AGBL1: variants seen among roughly 807,000 people sequenced by gnomAD.
The protein encoded by AGBL1 is AGBL carboxypeptidase 1, also known as cytosolic carboxypeptidase 4.
Under a neutral mutation model 118.9 loss-of-function variants are expected in AGBL1, and 130 were observed. The ratio of observed to expected loss-of-function variants is 1.09; its 90% CI spans 0.95 to 1.26. The LOEUF (loss-of-function observed/expected upper bound fraction) is 1.26, where lower values mean the gene tolerates loss of function less well. Ranked by LOEUF, AGBL1 falls within the 50% of genes most tolerant of loss-of-function variation. AGBL1 has a pLI of 0.00. For synonymous variants in AGBL1, 555 were observed against 478.9 expected, an observed-to-expected ratio of 1.16 and a Z score of -2.08; for missense variants, 1,584 against 1,298.1, an observed-to-expected ratio of 1.22 and a Z score of -3.38.
chr15:86,234,219 G>T (rs760085904), intron 6 of AGBL1, among the ~76,000 whole-genome samples: 31 of 152,012 alleles, frequency 2.0e-4, no homozygotes, highest in Non-Finnish European at 4.0e-4. Flanking sequence ...GTGCAGAATG[G>T]TGTATGTTCC....
intron 4 of AGBL1, 117 bp from the exon 5 acceptor site, chr15:86,158,816 G>T: frequency 1.2e-6 from 1 of 810,950 alleles, no homozygotes; most frequent in East Asian, 2.7e-5. Flanking sequence ...GGAAAAGAAA[G>T]GGAGCTATCT....
chr15:86,573,509 T>C (rs2084039132), intron 21 of AGBL1, among the ~76,000 whole-genome samples: 1 of 152,218 alleles, frequency 6.6e-6, no homozygotes, highest in African/African-American at 2.4e-5. Flanking sequence ...TCTGGTAAAA[T>C]AGAAGATAAT....
intron 21 of AGBL1, among the ~76,000 whole-genome samples, chr15:86,580,993 C>T (rs2084165054): frequency 6.6e-6 from 1 of 152,126 alleles, no homozygotes; most frequent in Non-Finnish European, 1.5e-5. Flanking sequence ...TATTGTGCAG[C>T]CCTAGAAATA....
chr15:86,433,640 A>G (rs1164060695), intron 18 of AGBL1, among the ~76,000 whole-genome samples: 3 of 152,096 alleles, frequency 2.0e-5, no homozygotes, highest in Non-Finnish European at 2.9e-5. Flanking sequence ...TCTGGCATGC[A>G]CTGTGTGGCA....
At chr15:86,790,620 T>C (rs2078478906) in intron 22 of AGBL1, among the ~76,000 whole-genome samples, 1 of 152,154 alleles carries the variant, frequency 6.6e-6, no homozygotes. Flanking sequence ...TTAATGTATT[T>C]TATGGGAAAT....
intron 21 of AGBL1, among the ~76,000 whole-genome samples, chr15:86,650,435 C>T (rs945538449): frequency 3.3e-5 from 5 of 152,110 alleles, no homozygotes; most frequent in African/African-American, 1.2e-4. Flanking sequence ...GTCAAAATGA[C>T]TATGAAAGAA....
At chr15:86,286,749 A>ATATATATATATATATAT (rs60775713) in intron 16 of AGBL1, among the ~76,000 whole-genome samples, 4 of 145,448 alleles carry the variant, frequency 2.8e-5, no homozygotes, top group African/African-American at 7.8e-5. Context: ...ATATATATAT[A>ATATATATATATATATAT]AAACTCCATC....
intron 22 of AGBL1, among the ~76,000 whole-genome samples, chr15:86,791,838 G>A (rs1055062007): frequency 1.3e-5 from 2 of 151,740 alleles, no homozygotes; most frequent in African/African-American, 4.8e-5. Flanking sequence ...CCAGGTTCAA[G>A]CAATTCTCAT....
At chr15:86,175,110 T>C (rs2077465129) in intron 5 of AGBL1, among the ~76,000 whole-genome samples, 1 of 152,128 alleles carries the variant, frequency 6.6e-6, no homozygotes, top group Non-Finnish European at 1.5e-5. Flanking sequence ...TTTGGTAGAA[T>C]TCATCAGTAA....
chr15:86,327,825 T>C (rs1208585418), intron 17 of AGBL1, among the ~76,000 whole-genome samples: 5 of 152,304 alleles, frequency 3.3e-5, no homozygotes, highest in African/African-American at 1.2e-4. Context: ...GCTATTCTAA[T>C]TTATTTACAT....
At position 86,782,111 on chromosome 15, in the gene AGBL1, C is replaced by T. The variant is rs974806645; in HGVS notation, c.3158+107675C>T. ...CTACTCATTCAAATATCAGTCCTGACACAATCTAGGAATCAAAAATTATAT... is the reference window on the plus strand; with the variant it reads ...CTACTCATTCAAATATCAGTCCTGATACAATCTAGGAATCAAAAATTATAT... On this transcript the variant is annotated intron_variant, in intron 22 of 22. Coordinates refer to ENST00000614907, the MANE Select transcript of AGBL1 (RefSeq NM_001386094.1). 1.3e-5 allele frequency among the ~76,000 whole-genome samples: 2 copies of T among 152,050 alleles called. 1 individual carries two copies. Among genetic ancestry groups the T allele is most frequent in the Admixed American group, 1.3e-4 (2 of 15,262 alleles).
chr15:86,422,912 T>C (rs138551442), intron 18 of AGBL1, among the ~76,000 whole-genome samples: 1,513 of 151,012 alleles, frequency 0.01, 31 homozygotes, highest in African/African-American at 0.033. Context: ...TCGAATAGAC[T>C]AATAAGAAGT....
chr15:86,992,162 G>T (rs2081341699), intron 24 of AGBL1, among the ~76,000 whole-genome samples: 1 of 151,720 alleles, frequency 6.6e-6, no homozygotes, highest in African/African-American at 2.4e-5. Context: ...GTGAACAAGG[G>T]GATGTAGCAC....
At chr15:86,358,699 T>A (rs916007648) in intron 17 of AGBL1, among the ~76,000 whole-genome samples, 10 of 152,046 alleles carry the variant, frequency 6.6e-5, no homozygotes, top group Non-Finnish European at 8.8e-5. Context: ...TTATCTTTTT[T>A]AAATAATAGC....
Position 86,105,762 on chromosome 15 carries a change from T to C in AGBL1, c.51+25739T>C, listed in dbSNP as rs76957903. Among the ~76,000 whole-genome samples, 527 of 152,340 alleles carry C rather than the reference T, an allele frequency of 3.5e-3. 2 individuals are homozygous for C. The highest frequency in any genetic ancestry group is 0.012 in the African/African-American group (497 of 41,578). On this transcript the variant is annotated intron_variant, in intron 1 of 22. Transcript: ENST00000614907. The stretch of plus-strand genomic sequence containing the variant: ...TGATTACACAAATAAGTGTCTTCTA[T>C]TCTCTTCTAGGCCAACCCAATCACA...
At chr15:86,546,292 A>G (rs1332785868) in intron 20 of AGBL1, among the ~76,000 whole-genome samples, 159 bp downstream of exon 20, 2 of 152,096 alleles carry the variant, frequency 1.3e-5, no homozygotes, top group African/African-American at 4.8e-5. Flanking sequence ...GCAGGCTGGA[A>G]GCATGTGTAA....
chr15:86,767,073 G>C lies in AGBL1; in HGVS notation c.3158+92637G>C, dbSNP rs185511321. ...AATTAATGATGAGGTATTCAGTTGT[G>C]TTTAATGCTTAATTCTTAGCTATTG... On this transcript the variant is annotated intron_variant, in intron 22 of 22. Coordinates refer to ENST00000614907, the MANE Select transcript of AGBL1 (RefSeq NM_001386094.1). Among the ~76,000 whole-genome samples, 200 of 152,110 alleles carry C rather than the reference G, an allele frequency of 1.3e-3. 6 individuals are homozygous for C. In the South Asian group the frequency reaches 0.039, roughly 30 times the overall value.
chr15:86,268,374 C>G (rs2142045698), intron 13 of AGBL1, among the ~76,000 whole-genome samples: 1 of 152,274 alleles, frequency 6.6e-6, no homozygotes, highest in East Asian at 1.9e-4. Context: ...GTGGCTCCTG[C>G]TTTTACTATT....
At chr15:86,416,251 A>G (rs1225852308) in intron 18 of AGBL1, among the ~76,000 whole-genome samples, 1 of 152,220 alleles carries the variant, frequency 6.6e-6, no homozygotes, top group East Asian at 1.9e-4. Context: ...AACTGTATTC[A>G]TGGAAAAGAT....
Sources: gnomAD v4.1 joint callset for allele counts (sites outside exome capture counted in the v4.1 genomes callset) on GRCh38, gnomAD v4.1.1 for gene constraint, MANE v1.5 for transcripts, NCBI Gene and HGNC (gene_info 2026-07-23, HGNC 2026-07-21) for gene names.